PDE8A: variants seen among roughly 807,000 people sequenced by gnomAD.
PDE8A encodes high affinity cAMP-specific and IBMX-insensitive 3',5'-cyclic phosphodiesterase 8A.
PDE8A carries 59 observed loss-of-function variants against 105.0 expected under a neutral mutation model. The ratio of observed to expected loss-of-function variants is 0.56; its 90% CI spans 0.46 to 0.70. The LOEUF is 0.70. Among genes scored for constraint, PDE8A ranks in the 30% least tolerant of loss-of-function variants. PDE8A has a pLI of 0.00. For synonymous variants in PDE8A, 355 were observed against 371.9 expected, an observed-to-expected ratio of 0.95 and a Z score of 0.52; for missense variants, 1,014 against 1,045.9, an observed-to-expected ratio of 0.97 and a Z score of 0.42.
intron 20 of PDE8A, among the ~76,000 whole-genome samples, chr15:85,127,031 A>G (rs2082268368): frequency 6.6e-6 from 1 of 152,148 alleles, no homozygotes; most frequent in South Asian, 2.1e-4. Context: ...CCTTGTCTCT[A>G]CAAAAAAATT....
intron 1 of PDE8A, among the ~76,000 whole-genome samples, chr15:85,060,589 C>CAT (rs1186294766): frequency 6.6e-6 from 1 of 152,164 alleles, no homozygotes; most frequent in Non-Finnish European, 1.5e-5. Context: ...CATAGATTTT[C>CAT]ATATATATGG....
chr15:85,116,824 G>A (rs1170286515), intron 16 of PDE8A, among the ~76,000 whole-genome samples: 20 of 152,214 alleles, frequency 1.3e-4, no homozygotes, highest in Admixed American at 1.3e-3. Flanking sequence ...CTCCCCTTGA[G>A]TTAACCTTCT....
chr15:85,083,667 G>A (rs763614792), intron 6 of PDE8A, 23 bp downstream of exon 6: 2 of 1,476,504 alleles, frequency 1.4e-6, no homozygotes, highest in Non-Finnish European at 1.9e-6. Context: ...CTTCTGGAAA[G>A]CCCTCCAGGC....
intron 1 of PDE8A, among the ~76,000 whole-genome samples, chr15:85,052,102 T>G (rs993509715): frequency 3.9e-5 from 6 of 152,150 alleles, no homozygotes; most frequent in African/African-American, 1.4e-4. Context: ...AATAGTTTGC[T>G]CAGAATGATG....
At chr15:85,075,240 CTT>C (rs980274439) in intron 3 of PDE8A, among the ~76,000 whole-genome samples, 1 of 152,224 alleles carries the variant, frequency 6.6e-6, no homozygotes, top group Non-Finnish European at 1.5e-5. Context: ...CTTTGGGTAA[CTT>C]TAGTCGAACA....
intron 5 of PDE8A, among the ~76,000 whole-genome samples, chr15:85,078,314 G>A (rs1290073586): frequency 1.3e-5 from 2 of 151,862 alleles, no homozygotes; most frequent in Admixed American, 6.6e-5. Flanking sequence ...TTGGGAGGCC[G>A]AGGTGGGCAG....
At chr15:85,086,502 A>G (rs1006449809) in intron 6 of PDE8A, among the ~76,000 whole-genome samples, 8 of 152,242 alleles carry the variant, frequency 5.3e-5, no homozygotes, top group African/African-American at 1.7e-4. Context: ...TGATCAATTA[A>G]AAATTAGAAA....
chr15:85,033,291 C>T (rs183235895), intron 1 of PDE8A, among the ~76,000 whole-genome samples: 184 of 152,230 alleles, frequency 1.2e-3, no homozygotes, highest in African/African-American at 4.2e-3. Flanking sequence ...AGGAGCTTCC[C>T]TGCAGTTAGT....
Position 85,115,471 on chromosome 15 carries a change from T to G in PDE8A, c.1383T>G (p.Tyr461Ter). 6.5e-7 allele frequency: 1 copy of G among 1,528,002 alleles called. No homozygotes were observed. The highest frequency in any genetic ancestry group is 8.8e-7 in the Non-Finnish European group (1 of 1,134,544). 94.7% of individuals were successfully genotyped at this position (1,528,002 alleles called of 1,614,324 possible). A position where few individuals can be genotyped will look rare whatever the true frequency, so the allele number is the denominator to read the frequency against. ...DGLRRLSGNE[Y>*]VLSTKNTQMV... The stretch of plus-strand genomic sequence containing the variant: ...TGCGAAGACTATCAGGGAATGAATA[T>G]GTTCTTTCAACAAAAAGTAAGTTTT... The change falls in exon 15 of 22, where the codon TAT becomes TAG. Residue 461 changes from tyrosine (Y) to a stop codon, truncating the protein, a stop_gained. Coordinates refer to ENST00000394553, the MANE Select transcript of PDE8A (RefSeq NM_002605.3). LOFTEE classifies it high-confidence loss of function.
intron 1 of PDE8A, among the ~76,000 whole-genome samples, chr15:85,002,442 G>A (rs925019639): frequency 2.0e-5 from 3 of 152,242 alleles, no homozygotes; most frequent in African/African-American, 7.2e-5. Flanking sequence ...TTCAGTGCCT[G>A]TAGAGTTGGG....
intron 1 of PDE8A, among the ~76,000 whole-genome samples, chr15:85,058,165 C>T (rs868000100): frequency 5.1e-4 from 78 of 152,136 alleles, no homozygotes; most frequent in African/African-American, 1.8e-3. Flanking sequence ...ACTGCAGCCT[C>T]GACTTCCTGG....
chr15:85,091,747 T>G (rs2081646863), intron 8 of PDE8A, among the ~76,000 whole-genome samples: 1 of 152,160 alleles, frequency 6.6e-6, no homozygotes, highest in Non-Finnish European at 1.5e-5. Flanking sequence ...ATCATGGTGC[T>G]GAAGGAACAG....
chr15:85,013,062 T>TC (rs1366453133), intron 1 of PDE8A, among the ~76,000 whole-genome samples: 1 of 152,210 alleles, frequency 6.6e-6, no homozygotes, highest in East Asian at 1.9e-4. Context: ...GTCACTTTTT[T>TC]CTTTCTTCAT....
intron 1 of PDE8A, among the ~76,000 whole-genome samples, chr15:84,988,374 G>A (rs938838340): frequency 6.6e-6 from 1 of 152,176 alleles, no homozygotes; most frequent in Non-Finnish European, 1.5e-5. Flanking sequence ...GTTAAGTTTC[G>A]ACTTACTGTG....
intron 1 of PDE8A, among the ~76,000 whole-genome samples, chr15:85,037,520 A>G (rs2080728095): frequency 6.6e-6 from 1 of 152,230 alleles, no homozygotes; most frequent in Non-Finnish European, 1.5e-5. Flanking sequence ...TAAATTGATC[A>G]TTTTTAATTA....
intron 11 of PDE8A, among the ~76,000 whole-genome samples, chr15:85,106,683 G>A (rs1011793344): frequency 1.3e-5 from 2 of 152,202 alleles, no homozygotes; most frequent in African/African-American, 2.4e-5. Context: ...CCGGTGTCAA[G>A]GCTGTTCCAG....
chr15:85,118,843 C>T (rs1308297562), intron 17 of PDE8A, among the ~76,000 whole-genome samples: 1 of 152,238 alleles, frequency 6.6e-6, no homozygotes, highest in Non-Finnish European at 1.5e-5. Context: ...TGGCAGAGAG[C>T]AAAGCAGAAG....
At chr15:85,102,421 T>C (rs1326353010) in intron 11 of PDE8A, among the ~76,000 whole-genome samples, 1 of 152,118 alleles carries the variant, frequency 6.6e-6, no homozygotes, top group Admixed American at 6.5e-5. Context: ...GAAGCCAGAT[T>C]GCAGGGGCTG....
Position 85,136,572 on chromosome 15 carries a change from G to T in PDE8A, c.2292G>T (p.Met764Ile). Residue 764 changes from methionine (M) to isoleucine (I), a missense_variant, in exon 21 of 22, where the codon ATG (methionine) becomes ATT (isoleucine). Met to Ile is a conservative substitution (Grantham distance 10). Coordinates refer to ENST00000394553, the MANE Select transcript of PDE8A (RefSeq NM_002605.3). ...AGCAGCAGGGCTTACCTGTGGTGATGCCAGTGTTTGACAGAAATACCTGCA... is the reference window on the plus strand; with the variant it reads ...AGCAGCAGGGCTTACCTGTGGTGATTCCAGTGTTTGACAGAAATACCTGCA... Reference protein sequence around the residue: ...EEKQQGLPVVMPVFDRNTCSI... With the variant: ...EEKQQGLPVVIPVFDRNTCSI... 6.2e-7 allele frequency: 1 copy of T among 1,613,848 alleles called. No homozygotes were observed. The highest frequency in any genetic ancestry group is 1.1e-5 in the South Asian group (1 of 91,062).
Sources: allele counts gnomAD v4.1 joint callset (sites outside exome capture counted in the v4.1 genomes callset), GRCh38; gene constraint gnomAD v4.1.1; transcripts MANE v1.5; gene names NCBI Gene and HGNC (gene_info 2026-07-23, HGNC 2026-07-21).